The following MTSS1 variants were observed in gnomAD, a reference collection of about 807,000 sequenced individuals.
The protein encoded by MTSS1 is MTSS I-BAR domain containing 1, also known as protein MTSS 1.
MTSS1 carries 18 observed loss-of-function variants against 79.0 expected under a neutral mutation model. The observed-to-expected ratio is 0.23, with a 90% CI of 0.16 to 0.34. MTSS1 has a LOEUF of 0.34. Ranked by LOEUF, MTSS1 falls within the 10% of genes least tolerant of loss-of-function variation. The probability of loss-of-function intolerance (pLI) is 1.00; values close to 1 mark genes in which losing one functional copy is unlikely to be tolerated. For synonymous variants in MTSS1, 341 were observed against 368.6 expected (o/e 0.93, Z 0.86); for missense variants, 815 against 986.2 (o/e 0.83, Z 2.33).
At chr8:124,680,946 T>C (rs547814416) in intron 3 of MTSS1, among the ~76,000 whole-genome samples, 1 of 152,158 alleles carries the variant, frequency 6.6e-6, no homozygotes, top group South Asian at 2.1e-4. Context: ...AGAGTGGGGA[T>C]TTCTTTAGAC....
intron 3 of MTSS1, chr8:124,673,542 A>C (rs1824691419): frequency 6.6e-6 from 1 of 152,250 alleles, no homozygotes; most frequent in South Asian, 2.1e-4. Flanking sequence ...GAGGTGGAAG[A>C]GTGAGAGTTG....
chr8:124,649,430 G>C (rs1819567219), intron 3 of MTSS1, among the ~76,000 whole-genome samples: 1 of 152,098 alleles, frequency 6.6e-6, no homozygotes, highest in African/African-American at 2.4e-5. Flanking sequence ...GCTGAGATGG[G>C]AGCTATGCTT....
intron 3 of MTSS1, among the ~76,000 whole-genome samples, chr8:124,634,289 G>C (rs536535661): frequency 7.6e-6 from 1 of 131,532 alleles, no homozygotes; most frequent in Non-Finnish European, 1.6e-5. Context: ...TTTTTTTGTT[G>C]TTGTTGTTGT....
chr8:124,696,106 G>C (rs1169752608), intron 3 of MTSS1, among the ~76,000 whole-genome samples: 1 of 151,940 alleles, frequency 6.6e-6, no homozygotes, highest in African/African-American at 2.4e-5. Context: ...TCCTGCCTCA[G>C]CCTCCCAAGT....
Position 124,556,217 on chromosome 8 carries a change from G to A in MTSS1, c.1404+15C>T, listed in dbSNP as rs752674509. 6.2e-7 allele frequency: 1 copy of A among 1,614,196 alleles called. No homozygotes were observed. Among genetic ancestry groups the A allele is most frequent in the Admixed American group, 1.7e-5 (1 of 60,030 alleles). ...TGAGGTGGCCCCAACCAGCTACTGAGAACAAGAGCATCACCCTGGTGGCAG... is the reference window on the plus strand; with the variant it reads ...TGAGGTGGCCCCAACCAGCTACTGAAAACAAGAGCATCACCCTGGTGGCAG... On this transcript the variant is annotated intron_variant, in intron 12 of 13. Transcript: ENST00000518547.
In MTSS1 at chr8:124,717,766, C is replaced by A. The variant is rs566702634; in HGVS notation, c.72+10118G>T. Among the ~76,000 whole-genome samples, 3 of 152,158 alleles carry A rather than the reference C, an allele frequency of 2.0e-5. No individual in the cohort carries two copies. In the South Asian group the frequency reaches 6.2e-4, roughly 32 times the overall value. The stretch of plus-strand genomic sequence containing the variant: ...GTGCTTTTTCCCCATTGCACATAAT[C>A]CTACTATACAAGAGAATTGACTTAT... On this transcript the variant is annotated intron_variant, in intron 1 of 13. Coordinates refer to ENST00000518547, the MANE Select transcript of MTSS1 (RefSeq NM_014751.6).
intron 3 of MTSS1, among the ~76,000 whole-genome samples, chr8:124,618,590 C>T (rs1018750094): frequency 1.3e-5 from 2 of 152,166 alleles, no homozygotes; most frequent in Non-Finnish European, 2.9e-5. Flanking sequence ...GGTTGAAGGA[C>T]AGCAACTAGG....
chr8:124,586,958 C>A (rs1273592835), intron 5 of MTSS1, among the ~76,000 whole-genome samples: 1 of 152,190 alleles, frequency 6.6e-6, no homozygotes, highest in African/African-American at 2.4e-5. Flanking sequence ...TCCTAATGGG[C>A]TCAGCACAAC....
chr8:124,568,587 A>G (rs758815801), intron 6 of MTSS1, 51 bp from the exon 7 acceptor site: 1 of 1,612,326 alleles, frequency 6.2e-7, no homozygotes, highest in Non-Finnish European at 8.5e-7. Context: ...CAGCTTCTGG[A>G]ACAAGTGCCC....
intron 3 of MTSS1, among the ~76,000 whole-genome samples, chr8:124,607,470 C>T (rs901947157): frequency 6.6e-6 from 1 of 152,164 alleles, no homozygotes; most frequent in African/African-American, 2.4e-5. Context: ...CTGATCTAAA[C>T]AGAGTTTTTA....
At chr8:124,629,241 G>A (rs541418938) in intron 3 of MTSS1, among the ~76,000 whole-genome samples, 4 of 152,016 alleles carry the variant, frequency 2.6e-5, no homozygotes, top group South Asian at 2.1e-4. Context: ...ATGGCCAGGC[G>A]CGGTGGCTCA....
chr8:124,606,243 G>A (rs1458347059), intron 3 of MTSS1, among the ~76,000 whole-genome samples: 1 of 148,230 alleles, frequency 6.7e-6, no homozygotes, highest in East Asian at 2.0e-4. Flanking sequence ...CATGATCTTG[G>A]CTCACTGCAA....
At chr8:124,647,261 T>G (rs1819167022) in intron 3 of MTSS1, among the ~76,000 whole-genome samples, 1 of 152,370 alleles carries the variant, frequency 6.6e-6, no homozygotes, top group Middle Eastern at 3.4e-3. Flanking sequence ...TGGATACATC[T>G]AGATTTAGAG....
chr8:124,685,432 T>C (rs2116081), intron 3 of MTSS1, among the ~76,000 whole-genome samples: 89,410 of 152,164 alleles, frequency 0.59, 26,672 homozygotes, highest in African/African-American at 0.68. Context: ...GAACAGGTAA[T>C]GTACAGTACA....
At chr8:124,619,196 G>C (rs1242887061) in intron 3 of MTSS1, 3 of 152,190 alleles carry the variant, frequency 2.0e-5, no homozygotes, top group Non-Finnish European at 4.4e-5. Flanking sequence ...AGGCGTCCCG[G>C]CAGCTCCCAA....
rs1822644897 is a variant in MTSS1, at chr8:124,552,336, G to A, written c.*656C>T. Reference sequence around the variant, plus strand: ...CTACCAGAAGAAATTCAACCTACGAGGCTACTCTTAAATGTAACAGGATCG... The same window carrying A: ...CTACCAGAAGAAATTCAACCTACGAAGCTACTCTTAAATGTAACAGGATCG... On this transcript the variant is annotated 3_prime_UTR_variant, in exon 14 of 14. Coordinates refer to ENST00000518547, the MANE Select transcript of MTSS1 (RefSeq NM_014751.6). The A allele has an allele frequency of 6.5e-6, 1 of 153,394 alleles. No individual in the cohort carries two copies. The highest frequency in any genetic ancestry group is 2.4e-5 in the African/African-American group (1 of 41,436). The allele number at this position is 153,394 out of a possible 1,614,324, so 9.5% of individuals were successfully genotyped here.
intron 11 of MTSS1, 198 bp from the exon 12 acceptor site, chr8:124,556,603 G>T: frequency 1.6e-6 from 1 of 619,708 alleles, no homozygotes. Flanking sequence ...AGCCCCCTGT[G>T]TACCTCCCTT....
chr8:124,642,174 G>A (rs1467807590), intron 3 of MTSS1, among the ~76,000 whole-genome samples: 1 of 152,172 alleles, frequency 6.6e-6, no homozygotes, highest in Non-Finnish European at 1.5e-5. Context: ...AACGAGGCAG[G>A]TGCAGAATAC....
intron 3 of MTSS1, among the ~76,000 whole-genome samples, chr8:124,647,428 G>T (rs1819193243): frequency 6.6e-6 from 1 of 152,056 alleles, no homozygotes; most frequent in South Asian, 2.1e-4. Flanking sequence ...GTTGTAAAAC[G>T]ACTAAGATAT....
Sources: gnomAD v4.1 joint callset for allele counts (sites outside exome capture counted in the v4.1 genomes callset) on GRCh38, gnomAD v4.1.1 for gene constraint, MANE v1.5 for transcripts, NCBI Gene and HGNC (gene_info 2026-07-23, HGNC 2026-07-21) for gene names.